The following FRS2 variants were observed in gnomAD, a reference collection of about 807,000 sequenced individuals.
FRS2 encodes fibroblast growth factor receptor substrate 2.
In FRS2, 8 loss-of-function variants were observed where a neutral mutation model predicts 43.9. That is an observed-to-expected ratio of 0.18 (90% CI 0.11 to 0.33). The LOEUF is 0.33. Ranked by LOEUF, FRS2 falls within the 10% of genes least tolerant of loss-of-function variation. The probability of loss-of-function intolerance (pLI) is 1.00; values close to 1 mark genes in which losing one functional copy is unlikely to be tolerated. For missense variants in FRS2, 534 were observed against 627.6 expected (o/e 0.85, Z 1.59); for synonymous variants, 219 against 220.3 (o/e 0.99, Z 0.05).
At chr12:69,545,084 A>G (rs902388689) in intron 3 of FRS2, among the ~76,000 whole-genome samples, 1 of 152,208 alleles carries the variant, frequency 6.6e-6, no homozygotes. Flanking sequence ...ATAAAATACA[A>G]ATAACCAAAG....
intron 3 of FRS2, among the ~76,000 whole-genome samples, chr12:69,549,382 C>T (rs1878678272): frequency 6.6e-6 from 1 of 151,366 alleles, no homozygotes; most frequent in African/African-American, 2.4e-5. Context: ...CTTTTTGTTC[C>T]CTTTAATGTA....
intron 3 of FRS2, among the ~76,000 whole-genome samples, chr12:69,546,055 A>G (rs1423767162): frequency 6.6e-6 from 1 of 152,212 alleles, no homozygotes; most frequent in Non-Finnish European, 1.5e-5. Flanking sequence ...ATGTAACACC[A>G]AAGGCACAGA....
chr12:69,524,680 G>T (rs990169396), intron 1 of FRS2, among the ~76,000 whole-genome samples: 3 of 152,106 alleles, frequency 2.0e-5, no homozygotes, highest in African/African-American at 7.2e-5. Flanking sequence ...ATGGGGGCAG[G>T]TCAATTCTAG....
At chr12:69,545,571 C>G (rs1226796275) in intron 3 of FRS2, among the ~76,000 whole-genome samples, 3 of 151,942 alleles carry the variant, frequency 2.0e-5, no homozygotes, top group Non-Finnish European at 2.9e-5. Context: ...GCCTGGCCAA[C>G]ATGTTGAAAC....
chr12:69,561,580 C>CT (rs1396301957), intron 3 of FRS2, among the ~76,000 whole-genome samples: 1 of 152,110 alleles, frequency 6.6e-6, no homozygotes, highest in African/African-American at 2.4e-5. Flanking sequence ...TCTCTTGTAA[C>CT]TCTGGACTGT....
chr12:69,487,075 C>T (rs969804946), intron 1 of FRS2, among the ~76,000 whole-genome samples: 6 of 152,190 alleles, frequency 3.9e-5, no homozygotes, highest in African/African-American at 1.4e-4. Flanking sequence ...TGAGGGCTTG[C>T]TAAATTGCCC....
intron 3 of FRS2, among the ~76,000 whole-genome samples, chr12:69,536,089 A>G (rs1470355260): frequency 1.6e-5 from 1 of 63,090 alleles, no homozygotes; most frequent in Non-Finnish European, 3.2e-5. Context: ...TGGTTACTGT[A>G]GTATTTTCAT....
intron 4 of FRS2, 103 bp downstream of exon 4, chr12:69,562,377 C>T (rs769141677): frequency 2.9e-4 from 112 of 389,470 alleles, no homozygotes; most frequent in Non-Finnish European, 4.3e-4. Flanking sequence ...GTTGCCCAGG[C>T]GGTTTCTAAC....
At chr12:69,522,004 G>A (rs1267663748) in intron 1 of FRS2, among the ~76,000 whole-genome samples, 1 of 152,198 alleles carries the variant, frequency 6.6e-6, no homozygotes, top group Non-Finnish European at 1.5e-5. Flanking sequence ...TCTATCTTTA[G>A]TTCTGTTTAT....
At chr12:69,540,103 A>G (rs1291223711) in intron 3 of FRS2, among the ~76,000 whole-genome samples, 1 of 151,794 alleles carries the variant, frequency 6.6e-6, no homozygotes, top group East Asian at 1.9e-4. Context: ...AATACAAAAA[A>G]TTAGCTGGGT....
intron 3 of FRS2, among the ~76,000 whole-genome samples, chr12:69,544,982 A>G (rs546346204): frequency 1.3e-5 from 2 of 152,322 alleles, no homozygotes; most frequent in South Asian, 4.1e-4. Flanking sequence ...GATCCTGTAC[A>G]TAGAAAACCC....
At chr12:69,554,622 C>G (rs1831254995) in intron 3 of FRS2, among the ~76,000 whole-genome samples, 1 of 152,196 alleles carries the variant, frequency 6.6e-6, no homozygotes, top group Admixed American at 6.6e-5. Flanking sequence ...ATTAACTAAA[C>G]TACAGACTAT....
chr12:69,524,897 AC>A (rs1876051215), intron 1 of FRS2, among the ~76,000 whole-genome samples: 1 of 151,946 alleles, frequency 6.6e-6, no homozygotes, highest in South Asian at 2.1e-4. Context: ...TGTTCAACTC[AC>A]CCCTTCTGCA....
At chr12:69,536,364 T>C (rs1245846414) in intron 3 of FRS2, among the ~76,000 whole-genome samples, 1 of 151,786 alleles carries the variant, frequency 6.6e-6, no homozygotes, top group South Asian at 2.1e-4. Flanking sequence ...CCTCAGGTGA[T>C]CGCCCGCCTC....
chr12:69,547,984 C>G (rs1878563189), intron 3 of FRS2, among the ~76,000 whole-genome samples: 1 of 151,798 alleles, frequency 6.6e-6, no homozygotes, highest in South Asian at 2.1e-4. Flanking sequence ...GTAGCTAGGA[C>G]TACAGGTGCA....
intron 1 of FRS2, among the ~76,000 whole-genome samples, chr12:69,482,857 T>G (rs914649290): frequency 6.6e-6 from 1 of 152,322 alleles, no homozygotes; most frequent in South Asian, 2.1e-4. Context: ...AAACCTGACT[T>G]AAGTAAATTA....
At chr12:69,546,170 A>C (rs529684762) in intron 3 of FRS2, among the ~76,000 whole-genome samples, 12 of 152,346 alleles carry the variant, frequency 7.9e-5, no homozygotes, top group African/African-American at 2.9e-4. Flanking sequence ...AAGGCCAGTA[A>C]GCATATGAAA....
intron 4 of FRS2, among the ~76,000 whole-genome samples, chr12:69,566,658 G>C (rs1453101447): frequency 6.6e-6 from 1 of 151,984 alleles, no homozygotes; most frequent in Non-Finnish European, 1.5e-5. Flanking sequence ...GGTATGCTTA[G>C]TGCCCTGGAA....
At chr12:69,532,578 C>G (rs1314903519) in intron 3 of FRS2, among the ~76,000 whole-genome samples, 2 of 152,142 alleles carry the variant, frequency 1.3e-5, no homozygotes, top group African/African-American at 4.8e-5. Flanking sequence ...TTAATTAGGT[C>G]ATGAGGAAGG....
Sources: gnomAD v4.1 joint callset for allele counts (sites outside exome capture counted in the v4.1 genomes callset) on GRCh38, gnomAD v4.1.1 for gene constraint, MANE v1.5 for transcripts, NCBI Gene and HGNC (gene_info 2026-07-23, HGNC 2026-07-21) for gene names.